The following PTK7 variants were observed in gnomAD, a reference collection of about 807,000 sequenced individuals.
PTK7 encodes the protein protein tyrosine kinase 7 (inactive).
A neutral mutation model predicts 116.6 loss-of-function variants in PTK7; 39 were observed. That is an observed-to-expected ratio of 0.33 (90% CI 0.26 to 0.44). The LOEUF (loss-of-function observed/expected upper bound fraction) is 0.44, where lower values mean the gene tolerates loss of function less well. PTK7 is among the 20% of genes least tolerant of loss of function. The probability of loss-of-function intolerance (pLI) is 1.00; values close to 1 mark genes in which losing one functional copy is unlikely to be tolerated. For missense variants in PTK7, 1,169 were observed against 1,425.6 expected (o/e 0.82, Z 2.90); for synonymous variants, 546 against 563.6 (o/e 0.97, Z 0.44).
intron 17 of PTK7, among the ~76,000 whole-genome samples, chr6:43,151,463 C>A (rs1207443736): frequency 1.7e-4 from 26 of 151,782 alleles, no homozygotes; most frequent in Admixed American, 1.7e-3. Context: ...CCGCCCGCCT[C>A]AGCCTCCCAA....
intron 1 of PTK7, among the ~76,000 whole-genome samples, chr6:43,080,089 AC>A (rs1766290915): frequency 1.3e-5 from 2 of 149,978 alleles, no homozygotes; most frequent in Non-Finnish European, 3.0e-5. Flanking sequence ...GCAGTGGCTC[AC>A]GCCTGTAATC....
At chr6:43,147,827 A>G (rs956925488) in intron 17 of PTK7, among the ~76,000 whole-genome samples, 3 of 152,250 alleles carry the variant, frequency 2.0e-5, no homozygotes, top group African/African-American at 7.2e-5. Flanking sequence ...GGAACTGTGT[A>G]TAGTGGCTGT....
intron 1 of PTK7, among the ~76,000 whole-genome samples, chr6:43,099,050 T>A (rs1289730838): frequency 6.6e-6 from 1 of 151,854 alleles, no homozygotes; most frequent in Non-Finnish European, 1.5e-5. Flanking sequence ...AATACAACTT[T>A]GAAATTAATA....
intron 5 of PTK7, chr6:43,131,600 C>A (rs959943481): frequency 1.8e-5 from 4 of 223,738 alleles, no homozygotes; most frequent in African/African-American, 9.4e-5. Flanking sequence ...CATCAGATCT[C>A]GTGAGACTTG....
At chr6:43,157,053 C>T (rs991096437) in intron 17 of PTK7, among the ~76,000 whole-genome samples, 2 of 150,852 alleles carry the variant, frequency 1.3e-5, no homozygotes, top group South Asian at 2.1e-4. Flanking sequence ...AAGTGGTAAA[C>T]TACAAAGAAC....
chr6:43,144,750 T>C, intron 15 of PTK7, 144 bp downstream of exon 15: 1 of 1,044,784 alleles, frequency 9.6e-7, no homozygotes, highest in Non-Finnish European at 1.3e-6. Context: ...TCTAGCCCAG[T>C]GTGGCCCCAG....
chr6:43,159,023 G>T (rs1019510500), intron 18 of PTK7, 55 bp downstream of exon 18: 12 of 1,599,404 alleles, frequency 7.5e-6, no homozygotes, highest in Non-Finnish European at 1.0e-5. Flanking sequence ...AGGGTGAGGG[G>T]CAGAGGACAG....
chr6:43,088,140 A>G (rs1479071632), intron 1 of PTK7, among the ~76,000 whole-genome samples: 1 of 152,080 alleles, frequency 6.6e-6, no homozygotes, highest in Non-Finnish European at 1.5e-5. Context: ...TCTACGGAAT[A>G]GAAAATAAAA....
intron 5 of PTK7, 136 bp downstream of exon 5, chr6:43,130,797 T>A: frequency 7.7e-7 from 1 of 1,295,144 alleles, no homozygotes; most frequent in Non-Finnish European, 1.1e-6. Context: ...CACAGTTGAA[T>A]GTTTTGCTTT....
intron 10 of PTK7, among the ~76,000 whole-genome samples, chr6:43,140,220 G>A (rs1341685354): frequency 1.3e-5 from 2 of 152,192 alleles, no homozygotes; most frequent in South Asian, 2.1e-4. Flanking sequence ...AAGCTGAGGT[G>A]GGTGGATCAC....
chr6:43,157,203 C>T (rs1307673897), intron 17 of PTK7, among the ~76,000 whole-genome samples: 3 of 146,746 alleles, frequency 2.0e-5, no homozygotes, highest in African/African-American at 5.0e-5. Context: ...AAATGTAAGC[C>T]AGAAGTTTTC....
intron 17 of PTK7, among the ~76,000 whole-genome samples, chr6:43,149,295 C>T (rs533909579): frequency 3.8e-4 from 57 of 151,948 alleles, no homozygotes; most frequent in Non-Finnish European, 5.3e-4. Context: ...TCGCTTGAGC[C>T]TGGGAGGCAG....
intron 1 of PTK7, among the ~76,000 whole-genome samples, chr6:43,088,744 G>A (rs1208602907): frequency 6.6e-6 from 1 of 151,934 alleles, no homozygotes; most frequent in Non-Finnish European, 1.5e-5. Context: ...GAGTTATGGT[G>A]AAACTATATG....
At chr6:43,096,461 G>A (rs567383446) in intron 1 of PTK7, among the ~76,000 whole-genome samples, 2 of 152,228 alleles carry the variant, frequency 1.3e-5, no homozygotes, top group African/African-American at 4.8e-5. Context: ...GGGGAGGTGG[G>A]GGTGGGTGGT....
At chr6:43,088,405 G>A (rs1049188333) in intron 1 of PTK7, among the ~76,000 whole-genome samples, 1 of 151,858 alleles carries the variant, frequency 6.6e-6, no homozygotes, top group Non-Finnish European at 1.5e-5. Context: ...ATGATATGCT[G>A]CACACGTGGC....
At chr6:43,146,815 A>G (rs529912308) in intron 17 of PTK7, 117 bp downstream of exon 17, 3 of 827,738 alleles carry the variant, frequency 3.6e-6, no homozygotes, top group Admixed American at 2.2e-5. Context: ...AGAACTTCAC[A>G]TGTGTTACTG....
chr6:43,159,375 C>T (rs553887333), intron 18 of PTK7, among the ~76,000 whole-genome samples: 13 of 152,242 alleles, frequency 8.5e-5, no homozygotes, highest in Admixed American at 1.3e-4. Context: ...GCAGCGCTGC[C>T]GGGAACATCA....
rs1182485786 is a variant in PTK7, at chr6:43,143,402, CTG to C, written c.2048-9_2048-8del. ...CTTAGCAGCCCCTGCCCAGACCCATCTGTGTGTCTCTCAGACAAGCCTGTGCC... is the reference window on the plus strand; with the variant it reads ...CTTAGCAGCCCCTGCCCAGACCCATCTGTGTCTCTCAGACAAGCCTGTGCC... On this transcript the variant is annotated splice_polypyrimidine_tract_variant and intron_variant, in intron 13 of 19. Transcript: ENST00000230419. This position sits in a 1 kb window ranked among gnomAD's most constrained non-coding sequence, Gnocchi z 4.2. 4 of 1,612,540 alleles carry C rather than the reference CTG, an allele frequency of 2.5e-6. No homozygotes were observed. Among genetic ancestry groups the C allele is most frequent in the Non-Finnish European group, 1.7e-6 (2 of 1,179,374 alleles).
intron 1 of PTK7, among the ~76,000 whole-genome samples, chr6:43,117,996 T>TAAA (rs1310743342): frequency 2.0e-5 from 3 of 150,626 alleles, no homozygotes; most frequent in African/African-American, 7.3e-5. Flanking sequence ...TCCTATGGAT[T>TAAA]AAAAAAAGAA....
Sources: gnomAD v4.1 joint callset for allele counts (sites outside exome capture counted in the v4.1 genomes callset) on GRCh38, gnomAD v4.1.1 for gene constraint, Gnocchi (gnomAD v3.1) non-coding constraint, MANE v1.5 for transcripts, NCBI Gene and HGNC (gene_info 2026-07-23, HGNC 2026-07-21) for gene names.